Variants in TRIP12 observed in about 807,000 individuals in gnomAD.
TRIP12 encodes the protein thyroid hormone receptor interactor 12.
A neutral mutation model predicts 244.2 loss-of-function variants in TRIP12; 25 were observed. The ratio of observed to expected loss-of-function variants is 0.10; its 90% CI spans 0.07 to 0.14. TRIP12 has a LOEUF of 0.14. Ranked by LOEUF, TRIP12 falls within the 10% of genes least tolerant of loss-of-function variation. The probability of loss-of-function intolerance (pLI) is 1.00; values close to 1 mark genes in which losing one functional copy is unlikely to be tolerated. For synonymous variants in TRIP12, 905 were observed against 873.1 expected (o/e 1.04, Z -0.64); for missense variants, 1,677 against 2,486.4 (o/e 0.67, Z 6.92).
intron 40 of TRIP12, among the ~76,000 whole-genome samples, chr2:229,768,922 C>T (rs2033017071): frequency 6.6e-6 from 1 of 152,160 alleles, no homozygotes; most frequent in Non-Finnish European, 1.5e-5. Context: ...ATAAGTAAGA[C>T]TTGATCTGGT....
At chr2:229,804,682 A>C (rs910016660) in intron 18 of TRIP12, among the ~76,000 whole-genome samples, 1 of 152,224 alleles carries the variant, frequency 6.6e-6, no homozygotes, top group Non-Finnish European at 1.5e-5. Context: ...ATAACTGATA[A>C]GCAGTAAGTT....
chr2:229,914,062 G>T (rs917788751), intron 1 of TRIP12, among the ~76,000 whole-genome samples: 1 of 152,048 alleles, frequency 6.6e-6, no homozygotes, highest in Non-Finnish European at 1.5e-5. Flanking sequence ...GAGGTCAGGA[G>T]TTGGAGACCA....
chr2:229,921,668 A>T (rs1309794335), intron 1 of TRIP12: 1 of 151,068 alleles, frequency 6.6e-6, no homozygotes, highest in Non-Finnish European at 1.5e-5. Flanking sequence ...GCCGCCCTCG[A>T]GCGTCTCTCC....
chr2:229,796,545 G>C, intron 25 of TRIP12, 46 bp downstream of exon 25: 1 of 1,480,302 alleles, frequency 6.8e-7, no homozygotes, highest in Non-Finnish European at 9.0e-7. Context: ...ATGCATTAGT[G>C]AGCACTGATT....
chr2:229,824,337 C>G (rs2050906196), intron 8 of TRIP12, among the ~76,000 whole-genome samples: 1 of 152,218 alleles, frequency 6.6e-6, no homozygotes, highest in Non-Finnish European at 1.5e-5. Flanking sequence ...GTCATTCACA[C>G]ATGACTGGTG....
intron 34 of TRIP12, among the ~76,000 whole-genome samples, chr2:229,785,167 T>C (rs1321938808): frequency 3.9e-5 from 6 of 152,182 alleles, no homozygotes; most frequent in Admixed American, 6.5e-5. Flanking sequence ...AAAAGCATTA[T>C]GCTAAGTGAA....
At position 229,818,883 on chromosome 2, in the gene TRIP12, A is replaced by C. The variant is rs143123054; in HGVS notation, c.1451-371T>G. Reference sequence around the variant, plus strand: ...CTACAATAATAAAAACCTGTTAAACAATGATGCCCATACTTCAAAGGAAAT... The same window carrying C: ...CTACAATAATAAAAACCTGTTAAACCATGATGCCCATACTTCAAAGGAAAT... On this transcript the variant is annotated intron_variant, in intron 8 of 41. Transcript: ENST00000675903. 3.7e-3 allele frequency among the ~76,000 whole-genome samples: 571 copies of C among 152,356 alleles called. 6 individuals are homozygous for C. Among genetic ancestry groups the C allele is most frequent in the African/African-American group, 0.013 (527 of 41,582 alleles).
chr2:229,905,384 G>A (rs1378119520), intron 1 of TRIP12, among the ~76,000 whole-genome samples: 1 of 152,108 alleles, frequency 6.6e-6, no homozygotes, highest in Non-Finnish European at 1.5e-5. Flanking sequence ...CATTTAGGAA[G>A]AGAGAAGATA....
At chr2:229,768,002 G>A (rs2032444540) in intron 41 of TRIP12, among the ~76,000 whole-genome samples, 2 of 152,094 alleles carry the variant, frequency 1.3e-5, no homozygotes, top group Non-Finnish European at 2.9e-5. Flanking sequence ...AGTGGTTCAC[G>A]CCCGTAATCC....
intron 4 of TRIP12, among the ~76,000 whole-genome samples, chr2:229,841,163 C>A (rs2056339247): frequency 6.6e-6 from 1 of 152,100 alleles, no homozygotes; most frequent in Non-Finnish European, 1.5e-5. Context: ...CCAAGCTATC[C>A]CCAAAGTCCT....
rs1387420693 is a variant in TRIP12 at position 229,767,135 on chromosome 2, C to G, written c.*419G>C. The G allele has an allele frequency of 6.3e-6, 1 of 157,762 alleles. No homozygotes were observed. The highest frequency in any genetic ancestry group is 1.4e-5 in the Non-Finnish European group (1 of 71,818). The allele number at this position is 157,762 out of a possible 1,614,324, so 9.8% of individuals were successfully genotyped here. ...GTCAAATACATGTGAGCTTAAATTT[C>G]TGTACTTATGTACAAGAGTTGTCTT... On this transcript the variant is annotated 3_prime_UTR_variant, in exon 42 of 42. Coordinates refer to ENST00000675903, the MANE Select transcript of TRIP12 (RefSeq NM_001348323.3).
intron 6 of TRIP12, chr2:229,831,246 G>C: frequency 1.5e-6 from 1 of 661,580 alleles, no homozygotes; most frequent in Non-Finnish European, 2.7e-6. Flanking sequence ...AGACATTTGG[G>C]GGAAATGTTG....
intron 38 of TRIP12, among the ~76,000 whole-genome samples, chr2:229,772,384 C>T (rs1417163165): frequency 6.6e-6 from 1 of 152,136 alleles, no homozygotes; most frequent in Non-Finnish European, 1.5e-5. Context: ...GTAGAAGAAA[C>T]AGGATAAGAA....
rs1235731349 is a variant in TRIP12, at chr2:229,901,632, A to AT, written c.-50+20247_-50+20248insA. Among the ~76,000 whole-genome samples, 6 of 151,476 alleles carry AT rather than the reference A, an allele frequency of 4.0e-5. 1 individual carries two copies. Among genetic ancestry groups the AT allele is most frequent in the Non-Finnish European group, 7.4e-5 (5 of 67,876 alleles). On this transcript the variant is annotated intron_variant, in intron 1 of 41. Transcript: ENST00000675903. ...AATGAGACTGTCTGAAAAAAAAAAAAAATGAGAACCGAATTTTATTTTTAC... is the reference window on the plus strand; with the variant it reads ...AATGAGACTGTCTGAAAAAAAAAAAATAATGAGAACCGAATTTTATTTTTAC...
intron 26 of TRIP12, among the ~76,000 whole-genome samples, chr2:229,793,941 C>G (rs1005161242): frequency 6.6e-6 from 1 of 151,868 alleles, no homozygotes; most frequent in African/African-American, 2.4e-5. Context: ...CCCAGGGAAG[C>G]CAAAAGATTG....
In TRIP12 at chr2:229,798,872, C is replaced by A; in HGVS notation, c.3482+3G>T. On this transcript the variant is annotated splice_donor_region_variant and intron_variant, in intron 23 of 41. Coordinates refer to ENST00000675903, the MANE Select transcript of TRIP12 (RefSeq NM_001348323.3). ...AAGAAACATAAAACTCCCCCCACTT[C>A]ACCTATTATTGGAGATGGTATCCTT... is the stretch of plus-strand genomic sequence containing the variant. The A allele has an allele frequency of 6.2e-7, 1 of 1,611,302 alleles. No homozygotes were observed. The highest frequency in any genetic ancestry group is 8.5e-7 in the Non-Finnish European group (1 of 1,179,236).
chr2:229,890,310 C>T (rs2154361289), intron 1 of TRIP12, among the ~76,000 whole-genome samples: 1 of 152,190 alleles, frequency 6.6e-6, no homozygotes, highest in South Asian at 2.1e-4. Context: ...GAACTCCTGA[C>T]CTCAGGTGAT....
At chr2:229,840,169 A>G (rs1237324618) in intron 5 of TRIP12, among the ~76,000 whole-genome samples, 1 of 152,238 alleles carries the variant, frequency 6.6e-6, no homozygotes, top group African/African-American at 2.4e-5. Context: ...AAAGATGCTC[A>G]TTAGAAGTAT....
At chr2:229,834,260 T>A (rs1176051748) in intron 6 of TRIP12, among the ~76,000 whole-genome samples, 2 of 152,234 alleles carry the variant, frequency 1.3e-5, no homozygotes, top group Admixed American at 6.5e-5. Flanking sequence ...TGATGCAAAG[T>A]TAACAAAATT....
Sources: allele counts gnomAD v4.1 joint callset (sites outside exome capture counted in the v4.1 genomes callset), GRCh38; gene constraint gnomAD v4.1.1; transcripts MANE v1.5; gene names NCBI Gene and HGNC (gene_info 2026-07-23, HGNC 2026-07-21).